WWOX: variants seen among roughly 807,000 people sequenced by gnomAD.
WWOX encodes the protein WW domain-containing oxidoreductase.
In WWOX, 69 loss-of-function variants were observed where a neutral mutation model predicts 46.2. The observed-to-expected ratio is 1.49, with a 90% confidence interval of 1.23 to 1.82. The LOEUF is 1.82. Among genes scored for constraint, WWOX ranks in the 40% most tolerant of loss-of-function variants. The pLI is 0.00. For synonymous variants in WWOX, 359 were observed against 202.6 expected (o/e 1.77, Z -6.56); for missense variants, 919 against 542.6 (o/e 1.69, Z -6.89).
intron 8 of WWOX, among the ~76,000 whole-genome samples, chr16:78,564,914 G>C (rs954479136): frequency 8.6e-5 from 13 of 151,214 alleles, no homozygotes; most frequent in African/African-American, 3.2e-4. Flanking sequence ...TATGCAGTTT[G>C]TATTTATCCA....
chr16:78,510,666 T>C (rs1187627201), intron 8 of WWOX, among the ~76,000 whole-genome samples: 1 of 152,264 alleles, frequency 6.6e-6, no homozygotes, highest in Non-Finnish European at 1.5e-5. Flanking sequence ...CTGTGGGATT[T>C]ACAATAAAGA....
rs367927802 is a variant in WWOX at position 79,089,448 on chromosome 16, C to A, written c.1057-122160C>A. Among the ~76,000 whole-genome samples the A allele has an allele frequency of 1.8e-4, 28 of 151,880 alleles. 2 individuals carry two copies. Among genetic ancestry groups the A allele is most frequent in the African/African-American group, 6.3e-4 (26 of 41,394 alleles). ...CTGGGTTCAAGCGATTCTTCTGCCT[C>A]AGCCTCCCGAGTAGCTGGGACTACA... is the stretch of plus-strand genomic sequence containing the variant. On this transcript the variant is annotated intron_variant, in intron 8 of 8. Coordinates refer to ENST00000566780, the MANE Select transcript of WWOX (RefSeq NM_016373.4).
intron 8 of WWOX, among the ~76,000 whole-genome samples, chr16:79,028,374 T>G (rs907650316): frequency 1.3e-5 from 2 of 151,862 alleles, no homozygotes; most frequent in Non-Finnish European, 2.9e-5. Context: ...CTAAATTCAG[T>G]CCAGACATTC....
At chr16:78,480,615 G>T (rs1323873261) in intron 8 of WWOX, among the ~76,000 whole-genome samples, 1 of 152,146 alleles carries the variant, frequency 6.6e-6, no homozygotes, top group Non-Finnish European at 1.5e-5. Context: ...AAGCATATTG[G>T]CTCTCAATTT....
chr16:78,712,073 GA>G (rs1168202733), intron 8 of WWOX, among the ~76,000 whole-genome samples: 1 of 152,150 alleles, frequency 6.6e-6, no homozygotes, highest in Non-Finnish European at 1.5e-5. Flanking sequence ...ATTCATTATA[GA>G]TGTCTTATAT....
chr16:78,995,472 T>C (rs2046971811), intron 8 of WWOX, among the ~76,000 whole-genome samples: 1 of 151,958 alleles, frequency 6.6e-6, no homozygotes, highest in Admixed American at 6.6e-5. Context: ...TGCCGATTGG[T>C]AAAACCAAGT....
chr16:78,725,964 TCTTCTCCTCCTC>T (rs1216551489), intron 8 of WWOX, among the ~76,000 whole-genome samples: 1 of 151,544 alleles, frequency 6.6e-6, no homozygotes, highest in Non-Finnish European at 1.5e-5. Context: ...TCCTTTCTTT[TCTTCTCCTCCTC>T]CTTCTCCTTC....
At chr16:78,841,542 T>C (rs994973325) in intron 8 of WWOX, among the ~76,000 whole-genome samples, 3 of 152,172 alleles carry the variant, frequency 2.0e-5, no homozygotes, top group Admixed American at 6.5e-5. Flanking sequence ...ATTTTCAGAG[T>C]TGGTTTACCA....
chr16:78,662,792 G>A (rs751456278), intron 8 of WWOX, among the ~76,000 whole-genome samples: 1 of 152,108 alleles, frequency 6.6e-6, no homozygotes, highest in South Asian at 2.1e-4. Flanking sequence ...GTAGTGTTTT[G>A]GTGGTTCCTG....
At chr16:78,626,288 G>A (rs1321612080) in intron 8 of WWOX, among the ~76,000 whole-genome samples, 2 of 152,004 alleles carry the variant, frequency 1.3e-5, no homozygotes, top group Non-Finnish European at 2.9e-5. Context: ...GCGCCACCAC[G>A]CTCAGCTAAT....
In WWOX at chr16:78,985,875, A is replaced by T. The variant is rs962134287; in HGVS notation, c.1057-225733A>T. Among the ~76,000 whole-genome samples the T allele has an allele frequency of 3.3e-5, 5 of 152,328 alleles. No homozygotes were observed. In the South Asian group the frequency reaches 1.0e-3, roughly 32 times the overall value. Reference sequence around the variant, plus strand: ...GTTGCAGCTCATGCCTGCATTCCAAATGGCTGCCTTCTGCAGTCCCGTCAG... The same window carrying T: ...GTTGCAGCTCATGCCTGCATTCCAATTGGCTGCCTTCTGCAGTCCCGTCAG... On this transcript the variant is annotated intron_variant, in intron 8 of 8. Coordinates refer to ENST00000566780, the MANE Select transcript of WWOX (RefSeq NM_016373.4).
intron 8 of WWOX, among the ~76,000 whole-genome samples, chr16:79,043,299 G>T (rs1251566477): frequency 6.6e-6 from 1 of 152,008 alleles, no homozygotes; most frequent in African/African-American, 2.4e-5. Context: ...AATAGAGGTG[G>T]TGGCATGGTA....
intron 8 of WWOX, among the ~76,000 whole-genome samples, chr16:79,094,360 C>G (rs146676911): frequency 6.6e-6 from 1 of 151,928 alleles, no homozygotes; most frequent in African/African-American, 2.4e-5. Flanking sequence ...AGCAATTCCC[C>G]TGCCTTAGCC....
intron 8 of WWOX, among the ~76,000 whole-genome samples, chr16:78,900,734 T>A (rs937035532): frequency 2.6e-5 from 4 of 152,162 alleles, no homozygotes; most frequent in Admixed American, 1.3e-4. Context: ...AAAAAACAAT[T>A]CTACTAGTAC....
intron 8 of WWOX, among the ~76,000 whole-genome samples, chr16:78,558,002 T>G (rs2044347883): frequency 1.3e-5 from 2 of 152,126 alleles, no homozygotes. Context: ...CTGCTGCTTT[T>G]TCAGAGCCTG....
At chr16:78,833,129 A>T (rs760066044) in intron 8 of WWOX, among the ~76,000 whole-genome samples, 10 of 151,080 alleles carry the variant, frequency 6.6e-5, no homozygotes, top group Non-Finnish European at 1.3e-4. Flanking sequence ...GCAGCCTCCA[A>T]CTCCTAGGCT....
intron 8 of WWOX, among the ~76,000 whole-genome samples, chr16:78,820,486 GC>G (rs1555543980): frequency 6.6e-6 from 1 of 152,106 alleles, no homozygotes; most frequent in Non-Finnish European, 1.5e-5. Flanking sequence ...CTTCTTGTAA[GC>G]CCCATTTCCA....
rs544216106 is a variant in WWOX, at chr16:79,154,439, C to T, written c.1057-57169C>T. On this transcript the variant is annotated intron_variant, in intron 8 of 8. Transcript: ENST00000566780. ...ATACTGGCCCCTCATTTCACTTCCT[C>T]AGCTAAATCTACCTCTCAAAGATAG... Among the ~76,000 whole-genome samples, 11 of 150,658 alleles carry T rather than the reference C, an allele frequency of 7.3e-5. No individual in the cohort carries two copies. In the East Asian group the frequency reaches 1.8e-3, roughly 24 times the overall value.
intron 5 of WWOX, among the ~76,000 whole-genome samples, chr16:78,374,481 T>A (rs561026021): frequency 6.6e-6 from 1 of 151,544 alleles, no homozygotes; most frequent in Non-Finnish European, 1.5e-5. Context: ...CTGATGACTC[T>A]TTTTGTGTTT....
Sources: allele counts gnomAD v4.1 joint callset (sites outside exome capture counted in the v4.1 genomes callset), GRCh38; gene constraint gnomAD v4.1.1; transcripts MANE v1.5; gene names NCBI Gene and HGNC (gene_info 2026-07-23, HGNC 2026-07-21).